The following PDPR variants were observed in gnomAD, a reference collection of about 807,000 sequenced individuals.
PDPR encodes pyruvate dehydrogenase phosphatase regulatory subunit.
Under a neutral mutation model 102.2 loss-of-function variants are expected in PDPR, and 50 were observed. The observed-to-expected ratio is 0.49, with a 90% CI of 0.39 to 0.62. The LOEUF is 0.62. Ranked by LOEUF, PDPR falls within the 20% of genes least tolerant of loss-of-function variation. PDPR has a pLI of 0.00. For synonymous variants in PDPR, 259 were observed against 406.0 expected, an observed-to-expected ratio of 0.64 and a Z score of 4.35; for missense variants, 625 against 1,098.2, an observed-to-expected ratio of 0.57 and a Z score of 6.09.
At chr16:70,134,189 A>T (rs1964855949) in intron 9 of PDPR, among the ~76,000 whole-genome samples, 1 of 152,210 alleles carries the variant, frequency 6.6e-6, no homozygotes, top group African/African-American at 2.4e-5. Context: ...TTAGTGTAGT[A>T]TTTTATTAAA....
At chr16:70,114,292 TC>T (rs939172637), upstream of PDPR, 2 of 152,150 alleles carry the variant, frequency 1.3e-5, no homozygotes, top group Non-Finnish European at 2.9e-5. Flanking sequence ...GGTCTCGGCT[TC>T]CCCGGAACTT....
At chr16:70,123,590 T>C (rs556984889) in intron 3 of PDPR, among the ~76,000 whole-genome samples, 3 of 152,394 alleles carry the variant, frequency 2.0e-5, no homozygotes, top group African/African-American at 7.2e-5. Context: ...GAAATCCTTT[T>C]AAATTTAATT....
chr16:70,147,578 T>C (rs1966338604), intron 16 of PDPR: 1 of 451,088 alleles, frequency 2.2e-6, no homozygotes, highest in Non-Finnish European at 4.4e-6. Flanking sequence ...TGTAACCGAA[T>C]GAAAGCAATG....
rs1295880801 is a variant in PDPR, at chr16:70,159,552, C to CTGG, written c.*2678_*2680dup. 1 of 152,718 alleles carries CTGG rather than the reference C, an allele frequency of 6.5e-6. No individual in the cohort carries two copies. The highest frequency in any genetic ancestry group is 2.4e-5 in the African/African-American group (1 of 41,484). The allele number at this position is 152,718 out of a possible 1,614,324, so 9.5% of individuals were successfully genotyped here. A position where few individuals can be genotyped will look rare whatever the true frequency, so the allele number is the denominator to read the frequency against. Reference sequence around the variant, plus strand: ...TCATTCAAATACAAGCTGTGTGAGTCTGGTGGTTTTCTGTGATTGGTCTAA... The same window carrying CTGG: ...TCATTCAAATACAAGCTGTGTGAGTCTGGTGGTGGTTTTCTGTGATTGGTCTAA... On this transcript the variant is annotated 3_prime_UTR_variant, in exon 19 of 19. Coordinates refer to ENST00000288050, the MANE Select transcript of PDPR (RefSeq NM_017990.5).
At chr16:70,139,340 C>T (rs1466766279) in intron 11 of PDPR, among the ~76,000 whole-genome samples, 13 of 152,294 alleles carry the variant, frequency 8.5e-5, no homozygotes, top group Admixed American at 6.5e-4. Flanking sequence ...GACCGTATGT[C>T]GAAGTGCGTG....
chr16:70,133,210 G>C (rs1407069909), intron 9 of PDPR, among the ~76,000 whole-genome samples: 1 of 148,050 alleles, frequency 6.8e-6, no homozygotes, highest in Admixed American at 7.0e-5. Flanking sequence ...TGCCTCCCCG[G>C]TTCAAGTGAT....
chr16:70,153,865 C>T (rs921484278), intron 18 of PDPR, among the ~76,000 whole-genome samples: 2 of 152,152 alleles, frequency 1.3e-5, no homozygotes, highest in African/African-American at 2.4e-5. Context: ...GCCAACATGG[C>T]AAAACCCGTC....
In PDPR at chr16:70,161,115, G is replaced by C. The variant is rs148933644; in HGVS notation, c.*4236G>C. 1 of 152,688 alleles carries C rather than the reference G, an allele frequency of 6.5e-6. No individual in the cohort carries two copies. The highest frequency in any genetic ancestry group is 1.9e-4 in the East Asian group (1 of 5,186). The allele number at this position is 152,688 out of a possible 1,614,324, so 9.5% of individuals were successfully genotyped here. A position where few individuals can be genotyped will look rare whatever the true frequency, so the allele number is the denominator to read the frequency against. On this transcript the variant is annotated 3_prime_UTR_variant, in exon 19 of 19. Transcript: ENST00000288050. ...AATAAGGGTCTTCTTTAACATCTAA[G>C]ATAGAGGTTTGGTTGGCCGGGCGTG...
rs1355909161 is a variant in PDPR at position 70,161,882 on chromosome 16, T to G, written c.*5003T>G. Reference sequence around the variant, plus strand: ...CCTTTGCAGACCATCTTCTGCCTTCTTATTTTCCTGTCTGTCAAAGACAGA... The same window carrying G: ...CCTTTGCAGACCATCTTCTGCCTTCGTATTTTCCTGTCTGTCAAAGACAGA... On this transcript the variant is annotated 3_prime_UTR_variant, in exon 19 of 19. Coordinates refer to ENST00000288050, the MANE Select transcript of PDPR (RefSeq NM_017990.5). The G allele has an allele frequency of 1.3e-5, 2 of 152,392 alleles. No individual in the cohort carries two copies. Among genetic ancestry groups the G allele is most frequent in the Non-Finnish European group, 2.9e-5 (2 of 68,088 alleles). 9.4% of individuals were successfully genotyped at this position (152,392 alleles called of 1,614,324 possible). A position where few individuals can be genotyped will look rare whatever the true frequency, so the allele number is the denominator to read the frequency against.
chr16:70,154,607 G>A (rs375314002), intron 18 of PDPR, among the ~76,000 whole-genome samples: 3 of 152,374 alleles, frequency 2.0e-5, no homozygotes, highest in South Asian at 2.1e-4. Flanking sequence ...CAAACTAGTC[G>A]TCCTATAGTC....
intron 10 of PDPR, among the ~76,000 whole-genome samples, chr16:70,137,310 T>C (rs1965252537): frequency 6.6e-6 from 1 of 152,204 alleles, no homozygotes; most frequent in East Asian, 1.9e-4. Flanking sequence ...GAGCCGAGAT[T>C]GCGCCACTGC....
chr16:70,114,685 C>T (rs1962456932), intron 1 of PDPR, 136 bp from the exon 2 acceptor site: 2 of 152,380 alleles, frequency 1.3e-5, no homozygotes, highest in South Asian at 2.1e-4. Context: ...GTGCGCACCG[C>T]TCCTCCAGGA....
intron 10 of PDPR, 53 bp from the exon 11 acceptor site, chr16:70,138,846 A>G (rs1965432161): frequency 1.9e-6 from 3 of 1,607,122 alleles, no homozygotes; most frequent in Non-Finnish European, 1.7e-6. Flanking sequence ...GTAGAATATT[A>G]ATTTTCTCAA....
chr16:70,148,225 C>T (rs1966396454), intron 16 of PDPR, among the ~76,000 whole-genome samples: 1 of 152,250 alleles, frequency 6.6e-6, no homozygotes, highest in African/African-American at 2.4e-5. Context: ...CTACCATCAG[C>T]TTGGCTAAAA....
chr16:70,156,415 GCT>G (rs2152122799), intron 18 of PDPR, 58 bp from the exon 19 acceptor site: 1 of 1,585,998 alleles, frequency 6.3e-7, no homozygotes, highest in South Asian at 1.2e-5. Flanking sequence ...CCACGGTGCT[GCT>G]CTCTGTGCCG....
At position 70,120,457 on chromosome 16, in the gene PDPR, C is replaced by T; in HGVS notation, c.-32-4C>T. ...CATGAAATATGTTTGGTTTCTCTGT[C>T]TAGTTTGAGTTCCTGAGATCTAGTT... On this transcript the variant is annotated splice_region_variant and splice_polypyrimidine_tract_variant and intron_variant, in intron 2 of 18. Coordinates refer to ENST00000288050, the MANE Select transcript of PDPR (RefSeq NM_017990.5). 2.6e-6 allele frequency: 4 copies of T among 1,522,596 alleles called. No individual in the cohort carries two copies. The highest frequency in any genetic ancestry group is 3.6e-6 in the Non-Finnish European group (4 of 1,099,802). 94.3% of individuals were successfully genotyped at this position (1,522,596 alleles called of 1,614,324 possible).
At position 70,162,307 on chromosome 16, in the gene PDPR, T is replaced by A. The variant is rs1967866130; in HGVS notation, c.*5428T>A. 6.5e-6 allele frequency: 1 copy of A among 152,708 alleles called. No homozygotes were observed. The allele number at this position is 152,708 out of a possible 1,614,324, so 9.5% of individuals were successfully genotyped here. On this transcript the variant is annotated 3_prime_UTR_variant, in exon 19 of 19. Transcript: ENST00000288050. ...TTTGCAGTTCAGCTTAGCCCTTCCC[T>A]GTTCCTGTGTAGTTACAATCTGGCC...
At chr16:70,133,421 C>CTTTTTTTTTTT (rs1162339028) in intron 9 of PDPR, among the ~76,000 whole-genome samples, 2,323 of 102,812 alleles carry the variant, frequency 0.023, 340 homozygotes, top group African/African-American at 0.091. Context: ...TGCGTCTGGC[C>CTTTTTTTTTTT]TTTTTTTTTT....
chr16:70,144,037 A>G (rs1246740666), intron 14 of PDPR, among the ~76,000 whole-genome samples: 4 of 152,304 alleles, frequency 2.6e-5, no homozygotes, highest in Non-Finnish European at 2.9e-5. Context: ...GACCACAGGT[A>G]CACGCCACCA....
Sources: gnomAD v4.1 joint callset for allele counts (sites outside exome capture counted in the v4.1 genomes callset) on GRCh38, gnomAD v4.1.1 for gene constraint, MANE v1.5 for transcripts, NCBI Gene and HGNC (gene_info 2026-07-23, HGNC 2026-07-21) for gene names.